SYNE2: variants seen among roughly 807,000 people sequenced by gnomAD.
SYNE2 encodes nesprin-2.
In SYNE2, 431 loss-of-function variants were observed where a neutral mutation model predicts 856.3. The observed-to-expected ratio is 0.50, with a 90% CI of 0.47 to 0.55. SYNE2 has a LOEUF of 0.55. Ranked by LOEUF, SYNE2 falls within the 20% of genes least tolerant of loss-of-function variation. The pLI is 0.00. For synonymous variants in SYNE2, 2,923 were observed against 2,872.3 expected, an observed-to-expected ratio of 1.02 and a Z score of -0.56; for missense variants, 8,129 against 8,023.2, an observed-to-expected ratio of 1.01 and a Z score of -0.50.
rs1478747165 is a variant in SYNE2 at position 64,167,580 on chromosome 14, C to G, written c.16846C>G (p.Leu5616Val). The G allele has an allele frequency of 6.2e-7, 1 of 1,614,066 alleles. No individual in the cohort carries two copies. Among genetic ancestry groups the G allele is most frequent in the African/African-American group, 1.3e-5 (1 of 74,930 alleles). ...ACTTTTGGAGAAGATAGAAGAAGCACTCAAAGTGGATGTGGCTAACAGCCT... is the reference window on the plus strand; with the variant it reads ...ACTTTTGGAGAAGATAGAAGAAGCAGTCAAAGTGGATGTGGCTAACAGCCT... ...IQLLEKIEEALKVDVANSLPE... is the reference protein window; with the variant it reads ...IQLLEKIEEAVKVDVANSLPE... The change falls in exon 92 of 116, where the codon CTC becomes GTC. Residue 5616 changes from leucine to valine, a missense_variant. Around this residue, in one of 3 missense-constraint regions of SYNE2, gnomAD observed 5,410 missense variants for 5,284.8 expected, o/e 1.02. Coordinates refer to ENST00000555002, the MANE Select transcript of SYNE2 (RefSeq NM_182914.3).
In SYNE2 at chr14:64,022,961, A is replaced by G. The variant is rs11844088; in HGVS notation, c.5637+98A>G. The G allele has an allele frequency of 0.9, 663,354 of 735,300 alleles. 299,951 individuals carry two copies. The highest frequency in any genetic ancestry group is 0.93 in the Admixed American group (43,184 of 46,562). The allele number at this position is 735,300 out of a possible 1,614,324, so 45.5% of individuals were successfully genotyped here. A position where few individuals can be genotyped will look rare whatever the true frequency, so the allele number is the denominator to read the frequency against. ...ATAAATAGGGAGGCTGGGCATGGTA[A>G]CTCACACCTGTAATCCTAGCATTTT... On this transcript the variant is annotated intron_variant, in intron 38 of 115. Coordinates refer to ENST00000555002, the MANE Select transcript of SYNE2 (RefSeq NM_182914.3).
At chr14:63,979,083 G>A in intron 14 of SYNE2, 69 bp downstream of exon 14, 1 of 1,524,582 alleles carries the variant, frequency 6.6e-7, no homozygotes, top group South Asian at 1.1e-5. Flanking sequence ...ATTTTTCCTT[G>A]GCATGATTTC....
At chr14:63,826,099 A>G (rs1011307550) in intron 1 of SYNE2, among the ~76,000 whole-genome samples, 5 of 152,220 alleles carry the variant, frequency 3.3e-5, no homozygotes, top group Non-Finnish European at 5.9e-5. Context: ...CAATCTTGAA[A>G]AAAAGTAACT....
chr14:64,018,482 T>A lies in SYNE2; in HGVS notation c.5049+726T>A, dbSNP rs183626523. Among the ~76,000 whole-genome samples, 7 of 152,320 alleles carry A rather than the reference T, an allele frequency of 4.6e-5. No homozygotes were observed. In the East Asian group the frequency reaches 1.4e-3, roughly 29 times the overall value. ...TGGTCTTGAGCTCCTGACCTCGTGA[T>A]CCGCCCACCTCGGCCTCCCAAAATG... On this transcript the variant is annotated intron_variant, in intron 34 of 115. Transcript: ENST00000555002.
intron 1 of SYNE2, among the ~76,000 whole-genome samples, chr14:63,797,804 C>T (rs1451291232): frequency 1.3e-5 from 2 of 152,210 alleles, no homozygotes; most frequent in African/African-American, 4.8e-5. Flanking sequence ...TTAATGCATG[C>T]AAAATCTTAG....
chr14:64,018,885 G>A (rs750468066), intron 34 of SYNE2, among the ~76,000 whole-genome samples: 2 of 152,138 alleles, frequency 1.3e-5, no homozygotes, highest in Non-Finnish European at 2.9e-5. Flanking sequence ...CTCAGGTTGT[G>A]GCATCTGGAA....
chr14:64,218,592 A>G, intron 109 of SYNE2, 80 bp downstream of exon 109: 1 of 1,357,374 alleles, frequency 7.4e-7, no homozygotes, highest in Non-Finnish European at 1.0e-6. Context: ...TTCATTAGAT[A>G]TTAACCAACT....
rs151308233 is a variant in SYNE2, at chr14:63,862,249, A to G, written c.-52+9106A>G. 8.9e-3 allele frequency among the ~76,000 whole-genome samples: 1,362 copies of G among 152,364 alleles called. 18 individuals are homozygous for G. Among genetic ancestry groups the G allele is most frequent in the African/African-American group, 0.031 (1,289 of 41,590 alleles). On this transcript the variant is annotated intron_variant, in intron 1 of 115. Transcript: ENST00000555002. ...CAAAACAACAGTTGGACACATGTAC[A>G]TATATTCGTATTTGCATAACATCTA...
intron 2 of SYNE2, among the ~76,000 whole-genome samples, chr14:63,930,199 T>A (rs1236998989): frequency 6.6e-6 from 1 of 150,930 alleles, no homozygotes; most frequent in Non-Finnish European, 1.5e-5. Flanking sequence ...GGTGGGAGGA[T>A]CACTTGAGCC....
intron 41 of SYNE2, 97 bp from the exon 42 acceptor site, chr14:64,026,482 G>A: frequency 2.1e-6 from 2 of 957,536 alleles, no homozygotes; most frequent in East Asian, 2.6e-5. Context: ...ATACCCTACA[G>A]ATAGAATCTC....
chr14:63,909,114 A>T lies in SYNE2; in HGVS notation c.-35A>T, dbSNP rs2095442123. 7.0e-7 allele frequency: 1 copy of T among 1,424,320 alleles called. No homozygotes were observed. 88.2% of individuals were successfully genotyped at this position (1,424,320 alleles called of 1,614,324 possible). A position where few individuals can be genotyped will look rare whatever the true frequency, so the allele number is the denominator to read the frequency against. The stretch of plus-strand genomic sequence containing the variant: ...CACTTTCAGTTCACTTCTTCAACTG[A>T]GATGGACATGATATAATCTCCATTG... On this transcript the variant is annotated 5_prime_UTR_variant, in exon 2 of 116. Coordinates refer to ENST00000555002, the MANE Select transcript of SYNE2 (RefSeq NM_182914.3).
At chr14:64,217,741 GT>G (rs34467643) in intron 108 of SYNE2, among the ~76,000 whole-genome samples, 7 of 149,358 alleles carry the variant, frequency 4.7e-5, no homozygotes, top group South Asian at 2.1e-4. Context: ...AAATCTGAAG[GT>G]TTTTTTTTTA....
chr14:64,135,673 C>G (rs929965705), intron 78 of SYNE2, among the ~76,000 whole-genome samples: 6 of 152,064 alleles, frequency 3.9e-5, no homozygotes, highest in Non-Finnish European at 8.8e-5. Context: ...CCAAAAGTGA[C>G]CATATCTGTT....
intron 44 of SYNE2, 71 bp from the exon 45 acceptor site, chr14:64,030,943 CTG>C: frequency 8.7e-7 from 1 of 1,152,644 alleles, no homozygotes; most frequent in Non-Finnish European, 1.3e-6. Flanking sequence ...CAAGAGTACT[CTG>C]TGATTTACAA....
At chr14:64,106,266 C>G (rs1447014179) in intron 64 of SYNE2, among the ~76,000 whole-genome samples, 1 of 151,840 alleles carries the variant, frequency 6.6e-6, no homozygotes, top group Non-Finnish European at 1.5e-5. Flanking sequence ...TTTTGTAACT[C>G]TTCTTTTGCG....
At position 64,113,589 on chromosome 14, in the gene SYNE2, G is replaced by T; in HGVS notation, c.12840+18G>T. On this transcript the variant is annotated intron_variant, in intron 66 of 115. Coordinates refer to ENST00000555002, the MANE Select transcript of SYNE2 (RefSeq NM_182914.3). ...GGTGCCAGGTAAGACTGAGAAGTCA[G>T]AGTTCATGGTTTGCCTCTCCACCAA... is the stretch of plus-strand genomic sequence containing the variant. The T allele has an allele frequency of 6.3e-7, 1 of 1,586,544 alleles. No individual in the cohort carries two copies.
intron 1 of SYNE2, among the ~76,000 whole-genome samples, chr14:63,874,906 G>T (rs1465551738): frequency 6.6e-6 from 1 of 152,118 alleles, no homozygotes; most frequent in Non-Finnish European, 1.5e-5. Flanking sequence ...AAGGGGAAAA[G>T]TATTTAAAGA....
At chr14:64,215,161 C>G in intron 106 of SYNE2, 125 bp from the exon 107 acceptor site, 1 of 941,164 alleles carries the variant, frequency 1.1e-6, no homozygotes. Context: ...TTTCAAAATC[C>G]TTTTAATTAA....
chr14:64,127,733 A>C (rs1029040071), intron 73 of SYNE2, among the ~76,000 whole-genome samples: 2 of 152,212 alleles, frequency 1.3e-5, no homozygotes, highest in African/African-American at 4.8e-5. Context: ...ATGAAACCCA[A>C]TACTATTTAT....
Sources: gnomAD v4.1 joint callset for allele counts (sites outside exome capture counted in the v4.1 genomes callset) on GRCh38, gnomAD v4.1.1 for gene constraint, gnomAD v4.1.1 regional missense constraint, MANE v1.5 for transcripts, NCBI Gene and HGNC (gene_info 2026-07-23, HGNC 2026-07-21) for gene names.